PCOLCE2: variants seen among roughly 807,000 people sequenced by gnomAD.
PCOLCE2 encodes the protein procollagen C-endopeptidase enhancer 2.
PCOLCE2 carries 42 observed loss-of-function variants against 47.0 expected under a neutral mutation model. The observed-to-expected ratio is 0.89, with a 90% confidence interval of 0.70 to 1.16. The LOEUF is 1.16. PCOLCE2 is among the 50% of genes most tolerant of loss of function. PCOLCE2 has a pLI of 0.00. For missense variants in PCOLCE2, 500 were observed against 526.1 expected, an observed-to-expected ratio of 0.95 and a Z score of 0.49; for synonymous variants, 169 against 191.7, an observed-to-expected ratio of 0.88 and a Z score of 0.98.
At chr3:142,827,756 A>G (rs1560130140) in intron 6 of PCOLCE2, 1 of 709,772 alleles carries the variant, frequency 1.4e-6, no homozygotes, top group Non-Finnish European at 2.4e-6. Flanking sequence ...AATCTGGCTT[A>G]AATCTTTTAG....
intron 5 of PCOLCE2, among the ~76,000 whole-genome samples, chr3:142,832,755 A>G (rs957854080): frequency 1.9e-5 from 2 of 104,588 alleles, no homozygotes; most frequent in Non-Finnish European, 5.0e-5. Flanking sequence ...ACAGAATTCA[A>G]TGGCATTGAT....
At chr3:142,877,578 G>A (rs1329369128) in intron 2 of PCOLCE2, among the ~76,000 whole-genome samples, 3 of 152,200 alleles carry the variant, frequency 2.0e-5, no homozygotes. Flanking sequence ...TCAGTCTTCA[G>A]ATTAACCTTA....
intron 3 of PCOLCE2, among the ~76,000 whole-genome samples, chr3:142,845,461 T>C (rs1285639414): frequency 6.6e-6 from 1 of 152,220 alleles, no homozygotes; most frequent in Non-Finnish European, 1.5e-5. Flanking sequence ...TACCCTTTTA[T>C]ATTTACTATT....
chr3:142,842,769 G>A lies in PCOLCE2; in HGVS notation c.573+155C>T, dbSNP rs1017019334. Among the ~76,000 whole-genome samples the A allele has an allele frequency of 3.3e-5, 5 of 151,612 alleles. No homozygotes were observed. The highest frequency in any genetic ancestry group is 1.2e-4 in the African/African-American group (5 of 41,246). On this transcript the variant is annotated intron_variant, in intron 4 of 8. Transcript: ENST00000295992. This position sits in a 1 kb window ranked among gnomAD's most constrained non-coding sequence, Gnocchi z 4.1. ...AAAAAAAAAAATATCTGGGGTCTTC[G>A]CATGAAGAAATACCTGTGTCCAGGA...
chr3:142,874,136 C>T (rs776048471), intron 2 of PCOLCE2, among the ~76,000 whole-genome samples: 9 of 152,252 alleles, frequency 5.9e-5, no homozygotes, highest in Non-Finnish European at 8.8e-5. Flanking sequence ...AGTGCAGTGG[C>T]GCAATCTTGG....
At chr3:142,858,392 T>G (rs1007968339) in intron 2 of PCOLCE2, among the ~76,000 whole-genome samples, 1 of 152,254 alleles carries the variant, frequency 6.6e-6, no homozygotes. Context: ...TATTTTGGTC[T>G]CAGATCTGTG....
intron 2 of PCOLCE2, among the ~76,000 whole-genome samples, chr3:142,852,280 C>T (rs2108199424): frequency 6.6e-6 from 1 of 152,208 alleles, no homozygotes; most frequent in African/African-American, 2.4e-5. Context: ...CTGATGCAAG[C>T]TTTGATAAGA....
chr3:142,818,506 T>C, intron 8 of PCOLCE2, 41 bp from the exon 9 acceptor site: 2 of 1,509,622 alleles, frequency 1.3e-6, no homozygotes, highest in South Asian at 1.1e-5. Context: ...TTTCTCTATG[T>C]ATCATGTGTG....
intron 2 of PCOLCE2, among the ~76,000 whole-genome samples, chr3:142,875,054 C>T (rs1933469514): frequency 6.6e-6 from 1 of 152,118 alleles, no homozygotes; most frequent in South Asian, 2.1e-4. Context: ...TTTATAGGAA[C>T]AAATTTTCAT....
intron 2 of PCOLCE2, among the ~76,000 whole-genome samples, chr3:142,867,612 A>G (rs1051909526): frequency 2.6e-5 from 4 of 152,210 alleles, no homozygotes; most frequent in African/African-American, 9.6e-5. Flanking sequence ...ATGAAAAAAG[A>G]GTTCAATCTT....
chr3:142,854,954 T>C (rs1225376083), intron 2 of PCOLCE2, among the ~76,000 whole-genome samples: 2 of 152,210 alleles, frequency 1.3e-5, no homozygotes, highest in Non-Finnish European at 2.9e-5. Context: ...TTATCTCTCA[T>C]CTTTCTCCTT....
At chr3:142,826,239 C>G (rs1174111178) in intron 6 of PCOLCE2, among the ~76,000 whole-genome samples, 1 of 152,054 alleles carries the variant, frequency 6.6e-6, no homozygotes, top group East Asian at 1.9e-4. Context: ...GATCTCCTGA[C>G]CTCATGATCC....
Position 142,839,973 on chromosome 3 carries a change from G to T in PCOLCE2, c.574-1067C>A, listed in dbSNP as rs183634318. ...TACTACTGTATGTCAGGGAGTAGTA[G>T]TGTGTGTGAATATATGTGTAGGAGG... On this transcript the variant is annotated intron_variant, in intron 4 of 8. Transcript: ENST00000295992. Among the ~76,000 whole-genome samples, 47 of 152,332 alleles carry T rather than the reference G, an allele frequency of 3.1e-4. No homozygotes were observed. In the East Asian group the frequency reaches 9.1e-3, roughly 29 times the overall value.
chr3:142,887,621 G>T, intron 2 of PCOLCE2, 48 bp downstream of exon 2: 1 of 946,166 alleles, frequency 1.1e-6, no homozygotes, highest in Non-Finnish European at 1.7e-6. Context: ...GCCTCACACT[G>T]TTGCCAACAC....
intron 2 of PCOLCE2, among the ~76,000 whole-genome samples, chr3:142,876,901 A>C (rs1933507027): frequency 1.3e-5 from 2 of 152,198 alleles, no homozygotes; most frequent in Admixed American, 1.3e-4. Flanking sequence ...CATGAATACC[A>C]GGAGGTGTGG....
At chr3:142,887,963 G>C (rs1933746410) in intron 1 of PCOLCE2, among the ~76,000 whole-genome samples, 186 bp from the exon 2 acceptor site, 1 of 152,176 alleles carries the variant, frequency 6.6e-6, no homozygotes, top group African/African-American at 2.4e-5. Context: ...GCCTGACAAA[G>C]CATTCAGTCC....
In PCOLCE2 at chr3:142,851,189, CAGAAG is replaced by C. The variant is rs1234201650; in HGVS notation, c.193-2722_193-2718del. Among the ~76,000 whole-genome samples the C allele has an allele frequency of 2.0e-5, 3 of 152,110 alleles. No individual in the cohort carries two copies. In the East Asian group the frequency reaches 5.8e-4, roughly 29 times the overall value. On this transcript the variant is annotated intron_variant, in intron 2 of 8. Transcript: ENST00000295992. ...AGAGGCACTACTGGGAATCTGATAA[CAGAAG>C]AGAAAGTGAGGAAATGGATTAATGA...
At chr3:142,845,733 G>A (rs1279008067) in intron 3 of PCOLCE2, among the ~76,000 whole-genome samples, 1 of 152,164 alleles carries the variant, frequency 6.6e-6, no homozygotes, top group Non-Finnish European at 1.5e-5. Context: ...TAACACTTTG[G>A]GAGGCCGAGG....
At chr3:142,875,631 T>A (rs747543114) in intron 2 of PCOLCE2, among the ~76,000 whole-genome samples, 1 of 152,182 alleles carries the variant, frequency 6.6e-6, no homozygotes, top group Non-Finnish European at 1.5e-5. Context: ...TCTCTGTCTA[T>A]TCCAAGGGTG....
Sources: allele counts gnomAD v4.1 joint callset (sites outside exome capture counted in the v4.1 genomes callset), GRCh38; gene constraint gnomAD v4.1.1; non-coding constraint Gnocchi (gnomAD v3.1); transcripts MANE v1.5; gene names NCBI Gene and HGNC (gene_info 2026-07-23, HGNC 2026-07-21).